The following ACCSL variants were observed in gnomAD, a reference collection of about 807,000 sequenced individuals.
The protein encoded by ACCSL is probable inactive 1-aminocyclopropane-1-carboxylate synthase-like protein 2.
A neutral mutation model predicts 61.7 loss-of-function variants in ACCSL; 55 were observed. The ratio of observed to expected loss-of-function variants is 0.89; its 90% confidence interval spans 0.72 to 1.12. ACCSL has a LOEUF of 1.12. Among genes scored for constraint, ACCSL ranks in the 50% most tolerant of loss-of-function variants. The pLI is 0.00. For missense variants in ACCSL, 632 were observed against 698.0 expected, an observed-to-expected ratio of 0.91 and a Z score of 1.07; for synonymous variants, 258 against 264.3, an observed-to-expected ratio of 0.98 and a Z score of 0.23.
rs761956287 is a variant in ACCSL at position 44,051,655 on chromosome 11, GGTGGT to G, written c.709_713del (p.Val237SerfsTer17). Reference sequence around the variant, plus strand: ...TGCCTCTCATGTGTTGTCTTCAGGTGGTGGTTCTAAATGGCTGCTGCTCTGTCTTC... The same window carrying G: ...TGCCTCTCATGTGTTGTCTTCAGGTGTCTAAATGGCTGCTGCTCTGTCTTC... On this transcript the variant is annotated frameshift_variant, in exon 5 of 14. Coordinates refer to ENST00000378832, the MANE Select transcript of ACCSL (RefSeq NM_001031854.2). LOFTEE classifies it high-confidence loss of function. 1.2e-6 allele frequency: 2 copies of G among 1,614,178 alleles called. No individual in the cohort carries two copies. Among genetic ancestry groups the G allele is most frequent in the Admixed American group, 3.3e-5 (2 of 60,032 alleles).
At chr11:43,937,746 C>T in the ACCSL span, among the ~76,000 whole-genome samples, 18 of 151,858 alleles carry the variant, frequency 1.2e-4, no homozygotes, top group African/African-American at 3.9e-4. Flanking sequence ...ACCTGGATGT[C>T]GAAGGGTCTC....
At chr11:44,025,803 A>G in the ACCSL span, among the ~76,000 whole-genome samples, 2 of 152,170 alleles carry the variant, frequency 1.3e-5, no homozygotes, top group South Asian at 2.1e-4. Context: ...TCTGAAAGAT[A>G]GTTTTGCTGG....
the ACCSL span, among the ~76,000 whole-genome samples, chr11:44,013,806 C>A: frequency 6.6e-6 from 1 of 151,802 alleles, no homozygotes; most frequent in South Asian, 2.1e-4. Flanking sequence ...TGCAGCAAGA[C>A]TTGAATGTAA....
Position 44,048,228 on chromosome 11 carries a change from C to T in ACCSL, c.192C>T (p.Ile64=), listed in dbSNP as rs1175615569. 6.2e-7 allele frequency: 1 copy of T among 1,614,176 alleles called. No individual in the cohort carries two copies. Among genetic ancestry groups the T allele is most frequent in the Admixed American group, 1.7e-5 (1 of 60,024 alleles). The change falls in exon 1 of 14, where the codon ATC becomes ATT. Residue 64 remains isoleucine (I), a synonymous_variant. Coordinates refer to ENST00000378832, the MANE Select transcript of ACCSL (RefSeq NM_001031854.2). ...SLEERRHTEA[I]CEHEALLSRL... The stretch of plus-strand genomic sequence containing the variant: ...AGGAAAGGAGGCACACTGAGGCCAT[C>T]TGTGAGCATGAAGCCCTTCTGAGTC...
rs1244765669 is a variant in ACCSL, at chr11:44,048,407, G to A, written c.371G>A (p.Ser124Asn). The A allele has an allele frequency of 1.7e-5, 28 of 1,614,066 alleles. No individual in the cohort carries two copies. The highest frequency in any genetic ancestry group is 2.2e-5 in the Non-Finnish European group (26 of 1,180,046). Residue 124 changes from serine (S) to asparagine (N), a missense_variant, in exon 1 of 14, where the codon AGT becomes AAT. Physicochemically the swap from Ser to Asn is conservative, Grantham distance 46. Transcript: ENST00000378832. Reference protein sequence around the residue: ...SGQPDPVPQLSDCEAAFVNRD... With the variant: ...SGQPDPVPQLNDCEAAFVNRD... ...CAGCCTGATCCAGTTCCCCAACTGA[G>A]TGATTGTGAAGCTGCCTTTGTCAAC...
rs780620555 is a variant in ACCSL at position 44,055,180 on chromosome 11, CCTT to C, written c.1050-18_1050-16del. On this transcript the variant is annotated intron_variant, in intron 8 of 13. Coordinates refer to ENST00000378832, the MANE Select transcript of ACCSL (RefSeq NM_001031854.2). ...TTAGAGAGAAGCTAGATCTTGTTCT[CCTT>C]CTTTCATCTAATCTACAGGTATAAC... 3 of 1,512,716 alleles carry C rather than the reference CCTT, an allele frequency of 2.0e-6. No individual in the cohort carries two copies. In the South Asian group the frequency reaches 3.5e-5, roughly 18 times the overall value. 93.7% of individuals were successfully genotyped at this position (1,512,716 alleles called of 1,614,324 possible).
chr11:44,048,601 T>G (rs1952616171), intron 1 of ACCSL, 61 bp downstream of exon 1: 2 of 1,482,484 alleles, frequency 1.3e-6, no homozygotes, highest in African/African-American at 1.4e-5. Flanking sequence ...TTGGATTTAC[T>G]GAGTCCTGGG....
At chr11:44,040,840 G>A in the ACCSL span, among the ~76,000 whole-genome samples, 1 of 152,154 alleles carries the variant, frequency 6.6e-6, no homozygotes, top group Admixed American at 6.5e-5. Context: ...GCCAAGCTTT[G>A]AGAGTATGTG....
At chr11:44,051,482 G>T in intron 4 of ACCSL, 78 bp downstream of exon 4, 1 of 1,580,072 alleles carries the variant, frequency 6.3e-7, no homozygotes, top group Non-Finnish European at 8.7e-7. Context: ...TTTCTAGGGG[G>T]TACAAGGAGA....
the ACCSL span, among the ~76,000 whole-genome samples, chr11:43,970,744 A>G: frequency 2.6e-5 from 4 of 152,072 alleles, no homozygotes; most frequent in Non-Finnish European, 5.9e-5. Context: ...GTGTAGGCTC[A>G]TGGGTTCCTG....
intron 8 of ACCSL, among the ~76,000 whole-genome samples, chr11:44,054,934 G>A (rs1952662097): frequency 6.6e-6 from 1 of 152,116 alleles, no homozygotes; most frequent in Non-Finnish European, 1.5e-5. Flanking sequence ...TAGACAAGAT[G>A]TTCTCATATG....
At chr11:43,967,146 C>T in the ACCSL span, among the ~76,000 whole-genome samples, 1 of 124,822 alleles carries the variant, frequency 8.0e-6, no homozygotes, top group Admixed American at 8.3e-5. Flanking sequence ...TCCCTCAGTT[C>T]TTCCAGTTCT....
the ACCSL span, among the ~76,000 whole-genome samples, chr11:44,013,768 A>AAAACAAAAACAAAT: frequency 0.069 from 10,460 of 152,256 alleles, 385 homozygotes; most frequent in Non-Finnish European, 0.092. Flanking sequence ...CAAAAACAAA[A>AAAACAAAAACAAAT]AAACAGGACT....
chr11:44,033,008 A>G, the ACCSL span, among the ~76,000 whole-genome samples: 6 of 152,220 alleles, frequency 3.9e-5, no homozygotes, highest in African/African-American at 9.6e-5. Context: ...TTCTTGTATC[A>G]GCCTCAGTCT....
the ACCSL span, among the ~76,000 whole-genome samples, chr11:44,020,144 G>T: frequency 1.3e-5 from 2 of 152,156 alleles, no homozygotes; most frequent in South Asian, 4.1e-4. Flanking sequence ...ATATGGTCTT[G>T]ATTACTGTTG....
chr11:43,983,492 G>A, the ACCSL span, among the ~76,000 whole-genome samples: 2 of 152,278 alleles, frequency 1.3e-5, no homozygotes, highest in Admixed American at 1.3e-4. Flanking sequence ...GGGTAGGAAC[G>A]AAATTGGTGC....
chr11:43,973,751 G>C, the ACCSL span: 3 of 152,164 alleles, frequency 2.0e-5, no homozygotes, highest in Non-Finnish European at 2.9e-5. Flanking sequence ...ATGATGATTT[G>C]GGGGTAGAGC....
chr11:43,955,111 G>A, the ACCSL span, among the ~76,000 whole-genome samples: 8 of 152,302 alleles, frequency 5.3e-5, no homozygotes, highest in African/African-American at 1.9e-4. Context: ...TCTGTCTCCT[G>A]TATCAACATA....
chr11:44,055,574 G>A (rs139659442), intron 9 of ACCSL, among the ~76,000 whole-genome samples: 422 of 152,370 alleles, frequency 2.8e-3, no homozygotes, highest in Middle Eastern at 0.024. Flanking sequence ...GATAAGTAGA[G>A]CACAGGGAAA....
Sources: allele counts gnomAD v4.1 joint callset (sites outside exome capture counted in the v4.1 genomes callset), GRCh38; gene constraint gnomAD v4.1.1; transcripts MANE v1.5; gene names NCBI Gene and HGNC (gene_info 2026-07-23, HGNC 2026-07-21).